CCDC178: variants seen among roughly 807,000 people sequenced by gnomAD.
The protein encoded by CCDC178 is coiled-coil domain-containing protein 178.
Under a neutral mutation model 117.4 loss-of-function variants are expected in CCDC178, and 126 were observed. The ratio of observed to expected loss-of-function variants is 1.07; its 90% CI spans 0.93 to 1.24. CCDC178 has a LOEUF of 1.24. Ranked by LOEUF, CCDC178 falls within the 50% of genes most tolerant of loss-of-function variation. The probability of loss-of-function intolerance (pLI) is 0.00; values close to 1 mark genes in which losing one functional copy is unlikely to be tolerated. For missense variants in CCDC178, 1,030 were observed against 986.9 expected, an observed-to-expected ratio of 1.04 and a Z score of -0.59; for synonymous variants, 283 against 313.4, an observed-to-expected ratio of 0.90 and a Z score of 1.02.
intron 6 of CCDC178, among the ~76,000 whole-genome samples, chr18:33,369,519 T>C (rs2063267626): frequency 6.6e-6 from 1 of 152,064 alleles, no homozygotes; most frequent in South Asian, 2.1e-4. Flanking sequence ...GTATTTTTTG[T>C]CATTCTTAAA....
intron 20 of CCDC178, among the ~76,000 whole-genome samples, chr18:33,132,442 G>A (rs2058077213): frequency 6.6e-6 from 1 of 151,298 alleles, no homozygotes; most frequent in African/African-American, 2.4e-5. Context: ...TTTTTCTTTT[G>A]GTTAAAGCAT....
chr18:33,106,360 C>T (rs978069279), intron 20 of CCDC178, among the ~76,000 whole-genome samples: 1 of 151,736 alleles, frequency 6.6e-6, no homozygotes, highest in Non-Finnish European at 1.5e-5. Context: ...AATGCTACAT[C>T]CACTCCAGAA....
chr18:33,377,418 C>A (rs1218073017), intron 5 of CCDC178, among the ~76,000 whole-genome samples: 1 of 142,678 alleles, frequency 7.0e-6, no homozygotes, highest in African/African-American at 2.5e-5. Flanking sequence ...TTGATAGTTT[C>A]TTTTGCTGTC....
intron 21 of CCDC178, among the ~76,000 whole-genome samples, chr18:33,055,213 G>T (rs2056809738): frequency 6.6e-6 from 1 of 151,874 alleles, no homozygotes; most frequent in South Asian, 2.1e-4. Flanking sequence ...CTCTCATTTT[G>T]CAGGTTGTCT....
rs79689141 is a variant in CCDC178 at position 32,986,347 on chromosome 18, C to G, written c.2389-11666G>C. Among the ~76,000 whole-genome samples the G allele has an allele frequency of 9.0e-3, 1,367 of 152,126 alleles. 21 individuals carry two copies. Among genetic ancestry groups the G allele is most frequent in the African/African-American group, 0.032 (1,312 of 41,546 alleles). ...AAGCCTAGAGTAGAGCTGAGGACTC[C>G]TAAGTTTTTGTTTTCCCCTTGGCTT... On this transcript the variant is annotated intron_variant, in intron 21 of 22. Coordinates refer to ENST00000383096, the MANE Select transcript of CCDC178 (RefSeq NM_001105528.4).
intron 20 of CCDC178, among the ~76,000 whole-genome samples, chr18:33,108,743 C>A (rs1356451955): frequency 6.6e-6 from 1 of 151,486 alleles, no homozygotes; most frequent in Non-Finnish European, 1.5e-5. Context: ...TCTCTCTAGC[C>A]AATAACTTTT....
intron 21 of CCDC178, among the ~76,000 whole-genome samples, chr18:33,061,740 G>C (rs2056924338): frequency 6.6e-6 from 1 of 152,138 alleles, no homozygotes; most frequent in South Asian, 2.1e-4. Flanking sequence ...ACCAAATAGT[G>C]ATTATTTAGA....
chr18:33,028,234 T>C (rs889756203), intron 21 of CCDC178, among the ~76,000 whole-genome samples: 3 of 151,606 alleles, frequency 2.0e-5, no homozygotes, highest in African/African-American at 7.2e-5. Flanking sequence ...TAAAACAAAA[T>C]AGGCAACTTG....
intron 2 of CCDC178, among the ~76,000 whole-genome samples, chr18:33,422,671 G>A (rs1784040882): frequency 6.6e-6 from 1 of 152,138 alleles, no homozygotes; most frequent in Admixed American, 6.5e-5. Flanking sequence ...ATAGCTACAT[G>A]TGGCTATTGG....
rs548281093 is a variant in CCDC178 at position 33,061,543 on chromosome 18, A to G, written c.2388+31218T>C. Among the ~76,000 whole-genome samples the G allele has an allele frequency of 2.0e-5, 3 of 152,236 alleles. No individual in the cohort carries two copies. The South Asian group carries it at 6.2e-4, about 32-fold the overall frequency. On this transcript the variant is annotated intron_variant, in intron 21 of 22. Coordinates refer to ENST00000383096, the MANE Select transcript of CCDC178 (RefSeq NM_001105528.4). ...CCTGATATCGTACACTTTTTATTTA[A>G]CCATTCATTCTACCTCTGTAAACAA...
chr18:33,064,233 T>G (rs1165272095), intron 21 of CCDC178, among the ~76,000 whole-genome samples: 20 of 152,154 alleles, frequency 1.3e-4, no homozygotes. Context: ...CTGGAAATGA[T>G]TTTAAAACAA....
chr18:33,032,465 AATCTTAGAGCT>A (rs1362866920), intron 21 of CCDC178, among the ~76,000 whole-genome samples: 2 of 152,150 alleles, frequency 1.3e-5, no homozygotes, highest in Non-Finnish European at 2.9e-5. Context: ...AGAGGAGGCG[AATCTTAGAGCT>A]ATCTTACAAT....
chr18:33,086,385 CATATATACATGTATGT>C (rs1222451566), intron 21 of CCDC178, among the ~76,000 whole-genome samples: 1 of 149,566 alleles, frequency 6.7e-6, no homozygotes, highest in African/African-American at 2.5e-5. Context: ...TATATATGTA[CATATATACATGTATGT>C]ATATATACAT....
At chr18:33,210,648 A>G (rs2059096057) in intron 20 of CCDC178, among the ~76,000 whole-genome samples, 1 of 152,010 alleles carries the variant, frequency 6.6e-6, no homozygotes, top group Admixed American at 6.6e-5. Context: ...TAAATCGGTA[A>G]ATAACTTAAG....
At chr18:32,945,697 T>A (rs148767164) in intron 22 of CCDC178, among the ~76,000 whole-genome samples, 13 of 152,136 alleles carry the variant, frequency 8.5e-5, no homozygotes, top group Admixed American at 7.9e-4. Flanking sequence ...TAAAGGTGCA[T>A]GCTTTCTAAA....
At chr18:33,344,972 C>A (rs1476826521) in intron 9 of CCDC178, among the ~76,000 whole-genome samples, 2 of 151,984 alleles carry the variant, frequency 1.3e-5, no homozygotes, top group Non-Finnish European at 1.5e-5. Flanking sequence ...AAGTTCTAAT[C>A]TTTTCTTGCA....
At chr18:32,949,144 G>A (rs1475145197) in intron 22 of CCDC178, among the ~76,000 whole-genome samples, 1 of 151,976 alleles carries the variant, frequency 6.6e-6, no homozygotes, top group East Asian at 1.9e-4. Context: ...CACATTACAT[G>A]TCTATTTTTA....
intron 22 of CCDC178, among the ~76,000 whole-genome samples, chr18:32,972,246 GTTTTCCCAGCACCA>G (rs2054942529): frequency 6.6e-6 from 1 of 152,122 alleles, no homozygotes; most frequent in African/African-American, 2.4e-5. Flanking sequence ...TGGCTAGCCA[GTTTTCCCAGCACCA>G]TTTATTAAAT....
chr18:33,026,425 C>A (rs1444298446), intron 21 of CCDC178, among the ~76,000 whole-genome samples: 1 of 151,876 alleles, frequency 6.6e-6, no homozygotes, highest in African/African-American at 2.4e-5. Context: ...CTAAAAATAC[C>A]TCGGAATAAA....
Sources: gnomAD v4.1 joint callset for allele counts (sites outside exome capture counted in the v4.1 genomes callset) on GRCh38, gnomAD v4.1.1 for gene constraint, MANE v1.5 for transcripts, NCBI Gene and HGNC (gene_info 2026-07-23, HGNC 2026-07-21) for gene names.